The following RDX variants were observed in gnomAD, a reference collection of about 807,000 sequenced individuals.
RDX encodes deafness, autosomal recessive 24.
Under a neutral mutation model 83.7 loss-of-function variants are expected in RDX, and 32 were observed. The ratio of observed to expected loss-of-function variants is 0.38; its 90% CI spans 0.29 to 0.51. The LOEUF (loss-of-function observed/expected upper bound fraction) is 0.51, where lower values mean the gene tolerates loss of function less well. Ranked by LOEUF, RDX falls within the 20% of genes least tolerant of loss-of-function variation. The pLI is 0.87. For synonymous variants in RDX, 229 were observed against 222.7 expected, an observed-to-expected ratio of 1.03 and a Z score of -0.25; for missense variants, 600 against 689.9, an observed-to-expected ratio of 0.87 and a Z score of 1.46.
intron 1 of RDX, among the ~76,000 whole-genome samples, chr11:110,283,257 G>A (rs1023311562): frequency 3.9e-5 from 6 of 151,970 alleles, no homozygotes; most frequent in African/African-American, 9.7e-5. Context: ...AGGTTCAAGC[G>A]ATTCTCCTGC....
At chr11:110,224,113 C>T (rs1864350989) in intron 14 of RDX, among the ~76,000 whole-genome samples, 1 of 151,840 alleles carries the variant, frequency 6.6e-6, no homozygotes, top group South Asian at 2.1e-4. Context: ...AATAATTGTG[C>T]CTGTATATTC....
At chr11:110,221,377 C>T (rs1164227836) in intron 14 of RDX, among the ~76,000 whole-genome samples, 1 of 152,058 alleles carries the variant, frequency 6.6e-6, no homozygotes, top group Non-Finnish European at 1.5e-5. Context: ...GTGGGCAGAT[C>T]ACTTGAGGCC....
At chr11:110,283,515 G>A (rs1244474472) in intron 1 of RDX, among the ~76,000 whole-genome samples, 1 of 152,070 alleles carries the variant, frequency 6.6e-6, no homozygotes, top group Non-Finnish European at 1.5e-5. Context: ...ACTAAAGTTG[G>A]ACTCATAACT....
intron 1 of RDX, among the ~76,000 whole-genome samples, chr11:110,295,554 C>G (rs2134465113): frequency 6.9e-6 from 1 of 144,520 alleles, no homozygotes; most frequent in South Asian, 2.2e-4. Flanking sequence ...AGTAACTACT[C>G]TTTAAGGAAA....
At chr11:110,281,936 A>G (rs1239498259) in intron 1 of RDX, among the ~76,000 whole-genome samples, 1 of 95,086 alleles carries the variant, frequency 1.1e-5, no homozygotes, top group East Asian at 3.8e-4. Context: ...CCCCATCTCT[A>G]TCAAAAAAAA....
chr11:110,231,981 T>C lies in RDX; in HGVS notation c.1640A>G (p.Asn547Ser). The change falls in exon 14 of 14, where the codon AAT becomes AGT. Residue 547 changes from asparagine to serine, a missense_variant. Transcript: ENST00000645495. ...AACATTCTCAGCATGAAGAACATCA[T>C]TTTGTGTTTTCTTGGTTTCATCTCT... ...QARDETKKTQNDVLHAENVKA... is the reference protein window; with the variant it reads ...QARDETKKTQSDVLHAENVKA... 6.2e-7 allele frequency: 1 copy of C among 1,614,136 alleles called. No homozygotes were observed. Among genetic ancestry groups the C allele is most frequent in the African/African-American group, 1.3e-5 (1 of 75,058 alleles).
At chr11:110,268,481 T>C (rs867156549) in intron 3 of RDX, among the ~76,000 whole-genome samples, 1 of 152,216 alleles carries the variant, frequency 6.6e-6, no homozygotes, top group Middle Eastern at 3.4e-3. Context: ...GCCCCAGCAG[T>C]GCCATAGAAA....
intron 1 of RDX, 41 bp from the exon 2 acceptor site, chr11:110,279,797 T>A: frequency 1.4e-6 from 1 of 700,286 alleles, no homozygotes. Flanking sequence ...TCTTTTTATA[T>A]AAGGTTTCTA....
chr11:110,211,737 G>A (rs1171080526), intron 14 of RDX, among the ~76,000 whole-genome samples: 1 of 147,904 alleles, frequency 6.8e-6, no homozygotes, highest in African/African-American at 2.5e-5. Context: ...AATGACTACT[G>A]GGTACATAAC....
In RDX at chr11:110,257,914, C is replaced by T; in HGVS notation, c.552-1G>A. 1 of 1,611,092 alleles carries T rather than the reference C, an allele frequency of 6.2e-7. No individual in the cohort carries two copies. Among genetic ancestry groups the T allele is most frequent in the African/African-American group, 1.3e-5 (1 of 74,918 alleles). On this transcript the variant is annotated splice_acceptor_variant, in intron 6 of 13. Transcript: ENST00000645495. LOFTEE classifies it high-confidence loss of function. ...CAGGTATTCCATCATAGAATCCTCC[C>T]TGTTGAAATAAAACTAAATGTAATA...
chr11:110,247,612 A>G, intron 10 of RDX, 91 bp downstream of exon 10: 2 of 1,317,380 alleles, frequency 1.5e-6, no homozygotes, highest in Admixed American at 2.1e-5. Context: ...CCTATATAAC[A>G]AATAAGGTTT....
At chr11:110,217,277 T>C (rs1864088820) in intron 14 of RDX, among the ~76,000 whole-genome samples, 1 of 152,138 alleles carries the variant, frequency 6.6e-6, no homozygotes, top group Non-Finnish European at 1.5e-5. Context: ...GATGGTTAAA[T>C]ATCAGTAACT....
At chr11:110,206,864 G>C (rs186977009) in intron 14 of RDX, among the ~76,000 whole-genome samples, 2 of 152,350 alleles carry the variant, frequency 1.3e-5, no homozygotes, top group Admixed American at 6.5e-5. Flanking sequence ...AGAAGCAACT[G>C]TGTTATTTCC....
At chr11:110,256,331 C>T (rs530702262) in intron 7 of RDX, among the ~76,000 whole-genome samples, 27 of 152,240 alleles carry the variant, frequency 1.8e-4, no homozygotes, top group African/African-American at 6.3e-4. Context: ...ACTCAATAAG[C>T]ATATTAGAGG....
At chr11:110,232,161 A>G (rs751126583) in intron 13 of RDX, 128 bp from the exon 14 acceptor site, 29 of 786,222 alleles carry the variant, frequency 3.7e-5, no homozygotes, top group Middle Eastern at 3.6e-4. Context: ...TTCTTTAGGT[A>G]TAAGTTTGTT....
chr11:110,206,982 A>AT (rs1555031321), intron 14 of RDX, among the ~76,000 whole-genome samples: 2 of 121,766 alleles, frequency 1.6e-5, no homozygotes, highest in Non-Finnish European at 3.6e-5. Context: ...ATTTTATTTT[A>AT]TTTTTTTTGT....
At chr11:110,200,271 A>AG (rs1565287502) in intron 14 of RDX, 1 of 153,060 alleles carries the variant, frequency 6.5e-6, no homozygotes. Context: ...CAAACCATGA[A>AG]AACTACCTCC....
intron 9 of RDX, among the ~76,000 whole-genome samples, chr11:110,249,801 G>T (rs977958774): frequency 2.0e-5 from 3 of 152,148 alleles, no homozygotes; most frequent in Admixed American, 6.5e-5. Context: ...TTGTGTCCAG[G>T]AGGTCAATGT....
intron 1 of RDX, among the ~76,000 whole-genome samples, chr11:110,281,820 C>T (rs898602884): frequency 2.0e-5 from 3 of 151,702 alleles, no homozygotes; most frequent in African/African-American, 7.3e-5. Flanking sequence ...TTAAAACAGC[C>T]TCCAGGCCAG....
Sources: allele counts gnomAD v4.1 joint callset (sites outside exome capture counted in the v4.1 genomes callset), GRCh38; gene constraint gnomAD v4.1.1; transcripts MANE v1.5; gene names NCBI Gene and HGNC (gene_info 2026-07-23, HGNC 2026-07-21).